Variants in IGSF9B observed in about 807,000 individuals in gnomAD.
The protein encoded by IGSF9B is protein turtle homolog B.
In IGSF9B, 48 loss-of-function variants were observed where a neutral mutation model predicts 143.7. The observed-to-expected ratio is 0.33, with a 90% CI of 0.26 to 0.42. IGSF9B has a LOEUF of 0.42. IGSF9B is among the 20% of genes least tolerant of loss of function. The pLI, the probability that IGSF9B is intolerant of heterozygous loss-of-function variation, is 1.00. For missense variants in IGSF9B, 1,706 were observed against 1,980.0 expected (o/e 0.86, Z 2.63); for synonymous variants, 903 against 833.1 (o/e 1.08, Z -1.44).
intron 16 of IGSF9B, 60 bp downstream of exon 16, chr11:133,922,509 C>T: frequency 6.5e-7 from 1 of 1,548,842 alleles, no homozygotes; most frequent in Non-Finnish European, 8.8e-7. Context: ...GTCCACCTCT[C>T]TTGATGGGGG....
intron 3 of IGSF9B, among the ~76,000 whole-genome samples, chr11:133,943,514 C>A (rs1035827050): frequency 1.3e-5 from 2 of 152,146 alleles, no homozygotes; most frequent in Non-Finnish European, 2.9e-5. Flanking sequence ...CCTAGGCCAA[C>A]TCCCAGAGCT....
chr11:133,938,660 A>G (rs1162197267), intron 3 of IGSF9B, among the ~76,000 whole-genome samples: 1 of 152,136 alleles, frequency 6.6e-6, no homozygotes, highest in Non-Finnish European at 1.5e-5. Flanking sequence ...CAATCCGGTC[A>G]ATCTTAACCC....
chr11:133,942,934 G>T (rs1250991076), intron 3 of IGSF9B, among the ~76,000 whole-genome samples: 1 of 152,162 alleles, frequency 6.6e-6, no homozygotes, highest in African/African-American at 2.4e-5. Context: ...GCCACCAGCT[G>T]TAAGGTTTCT....
chr11:133,941,939 T>C (rs1292679891), intron 3 of IGSF9B, among the ~76,000 whole-genome samples: 1 of 152,234 alleles, frequency 6.6e-6, no homozygotes, highest in Non-Finnish European at 1.5e-5. Flanking sequence ...CAAAGCCATA[T>C]GGCAGTAATC....
In IGSF9B at chr11:133,906,451, T is replaced by C. The variant is rs905705282; in HGVS notation, c.*2618A>G. The stretch of plus-strand genomic sequence containing the variant: ...GAGAGATGGGCAGACCTGACGTCCT[T>C]GCCCTAGCCAGGGAAGCCACAGCAC... On this transcript the variant is annotated 3_prime_UTR_variant, in exon 20 of 20. Transcript: ENST00000533871. Among the ~76,000 whole-genome samples, 3 of 152,174 alleles carry C rather than the reference T, an allele frequency of 2.0e-5. No individual in the cohort carries two copies. Among genetic ancestry groups the C allele is most frequent in the African/African-American group, 7.2e-5 (3 of 41,452 alleles).
Position 133,920,974 on chromosome 11 carries a change from G to A in IGSF9B, c.2751C>T (p.Ser917=). Reference sequence around the variant, plus strand: ...GTGGTGGCAGGTAGGACTCCTGGCTGGATGACAGAGGGGTGAGCTGGGACT... The same window carrying A: ...GTGGTGGCAGGTAGGACTCCTGGCTAGATGACAGAGGGGTGAGCTGGGACT... ...ALKSQLTPLS[S]SQESYLPPPA... The change falls in exon 18 of 20, where the codon TCC becomes TCT. Residue 917 remains serine (S), a synonymous_variant. Coordinates refer to ENST00000533871, the MANE Select transcript of IGSF9B (RefSeq NM_001277285.4). The A allele has an allele frequency of 6.2e-7, 1 of 1,610,538 alleles. No homozygotes were observed. Among genetic ancestry groups the A allele is most frequent in the Non-Finnish European group, 8.5e-7 (1 of 1,177,924 alleles).
At chr11:133,911,746 C>T (rs983207316) in intron 19 of IGSF9B, 140 bp downstream of exon 19, 1 of 604,564 alleles carries the variant, frequency 1.7e-6, no homozygotes, top group Non-Finnish European at 2.5e-6. Flanking sequence ...ACAAGAGAAG[C>T]TTGTGGATTC....
rs770124838 is a variant in IGSF9B at position 133,936,089 on chromosome 11, G to A, written c.785C>T (p.Thr262Ile). 1.2e-6 allele frequency: 2 copies of A among 1,613,762 alleles called. No individual in the cohort carries two copies. Among genetic ancestry groups the A allele is most frequent in the Non-Finnish European group, 1.7e-6 (2 of 1,179,792 alleles). The stretch of plus-strand genomic sequence containing the variant: ...GACGTTCTCGTCCTGCCAGTACCAG[G>A]TGTAGGTGAGGTTGCCCGGATACGC... ...AEAYPGNLTY[T>I]WYWQDENVYF... is the part of the protein sequence containing the mutation. The change falls in exon 6 of 20, where the codon ACC becomes ATC. Residue 262 changes from threonine (T) to isoleucine (I), a missense_variant. Coordinates refer to ENST00000533871, the MANE Select transcript of IGSF9B (RefSeq NM_001277285.4).
chr11:133,937,563 G>A (rs1420407478), intron 4 of IGSF9B, 70 bp from the exon 5 acceptor site: 1 of 1,267,450 alleles, frequency 7.9e-7, no homozygotes, highest in Non-Finnish European at 1.1e-6. Context: ...CAAACACGGA[G>A]ATGCAGTCGG....
Position 133,911,985 on chromosome 11 carries a change from T to A in IGSF9B, c.4006A>T (p.Asn1336Tyr). The change falls in exon 19 of 20, where the codon AAC becomes TAC. Residue 1336 changes from asparagine to tyrosine, a missense_variant. This residue lies in a region of IGSF9B where 880 missense variants were observed against 762.9 expected (regional missense o/e 1.15). Coordinates refer to ENST00000533871, the MANE Select transcript of IGSF9B (RefSeq NM_001277285.4). ...TSGTLPPAPG[N>Y]AAAPERLEAL... ...TCCAGCCTCTCAGGCGCAGCAGCGTTCCCGGGTGCAGGTGGAAGTGTTCTG... is the reference window on the plus strand; with the variant it reads ...TCCAGCCTCTCAGGCGCAGCAGCGTACCCGGGTGCAGGTGGAAGTGTTCTG... The A allele has an allele frequency of 1.3e-6, 2 of 1,532,412 alleles. No homozygotes were observed. The highest frequency in any genetic ancestry group is 1.7e-6 in the Non-Finnish European group (2 of 1,145,828). 94.9% of individuals were successfully genotyped at this position (1,532,412 alleles called of 1,614,324 possible).
intron 13 of IGSF9B, 79 bp downstream of exon 13, chr11:133,926,837 C>A: frequency 8.0e-7 from 1 of 1,253,112 alleles, no homozygotes; most frequent in Non-Finnish European, 1.1e-6. Context: ...CACAGGAGGC[C>A]GACTGCTATA....
In IGSF9B at chr11:133,926,992, C is replaced by T. The variant is rs372458520; in HGVS notation, c.1731G>A (p.Ala577=). The change falls in exon 13 of 20, where the codon GCG becomes GCA. Residue 577 remains alanine (A), a synonymous_variant. Coordinates refer to ENST00000533871, the MANE Select transcript of IGSF9B (RefSeq NM_001277285.4). ...LLVDTLEPET[A]YQFSVLAQNK... ...TCTGGGCCAGGACGCTGAACTGGTA[C>T]GCTGTCTCAGGCTCCAGGGTGTCCA... 167 of 1,587,680 alleles carry T rather than the reference C, an allele frequency of 1.1e-4. 1 individual carries two copies. Among genetic ancestry groups the T allele is most frequent in the Middle Eastern group, 3.3e-4 (2 of 5,994 alleles).
rs1455109815 is a variant in IGSF9B at position 133,901,725 on chromosome 11, C to T, written c.*7344G>A. 1 of 152,106 alleles carries T rather than the reference C, an allele frequency of 6.6e-6. No homozygotes were observed. The highest frequency in any genetic ancestry group is 2.4e-5 in the African/African-American group (1 of 41,386). The allele number at this position is 152,106 out of a possible 1,614,324, so 9.4% of individuals were successfully genotyped here. A position where few individuals can be genotyped will look rare whatever the true frequency, so the allele number is the denominator to read the frequency against. ...GAAGTTGTCTAGCAAAAGAGCCAAACAAAGGAGGGTCTCCTGGGCCTGACA... is the reference window on the plus strand; with the variant it reads ...GAAGTTGTCTAGCAAAAGAGCCAAATAAAGGAGGGTCTCCTGGGCCTGACA... On this transcript the variant is annotated 3_prime_UTR_variant, in exon 20 of 20. Transcript: ENST00000533871.
chr11:133,920,906 G>C lies in IGSF9B; in HGVS notation c.2819C>G (p.Pro940Arg), dbSNP rs1210867466. The C allele has an allele frequency of 6.2e-7, 1 of 1,609,024 alleles. No individual in the cohort carries two copies. The highest frequency in any genetic ancestry group is 8.5e-7 in the Non-Finnish European group (1 of 1,178,010). ...CTGAAGCCGACCTTCCAGGCCACCG[G>C]GGCCCTCCAGCCCGCGGGGCTGGAA... Reference protein sequence around the residue: ...PRFQPRGLEGPGGLEGRLQAT... With the variant: ...PRFQPRGLEGRGGLEGRLQAT... The change falls in exon 18 of 20, where the codon CCC (proline) becomes CGC (arginine). Residue 940 changes from proline (P) to arginine (R), a missense_variant. Coordinates refer to ENST00000533871, the MANE Select transcript of IGSF9B (RefSeq NM_001277285.4).
intron 16 of IGSF9B, 87 bp downstream of exon 16, chr11:133,922,482 G>T: frequency 7.6e-7 from 1 of 1,310,426 alleles, no homozygotes; most frequent in African/African-American, 1.4e-5. Context: ...TTTCCAAGGG[G>T]GGCCATGCTA....
chr11:133,944,277 G>A lies in IGSF9B; in HGVS notation c.352C>T (p.Leu118=). ...QGWYECKVLM[L]DQQYDTFHNG... ...TGGAAGGTGTCATACTGCTGGTCCAGCATGAGCACTTTGCACTCATACCAG... is the reference window on the plus strand; with the variant it reads ...TGGAAGGTGTCATACTGCTGGTCCAACATGAGCACTTTGCACTCATACCAG... Residue 118 remains leucine (L), a synonymous_variant, in exon 3 of 20, where the codon CTG becomes TTG. Transcript: ENST00000533871. 6.2e-7 allele frequency: 1 copy of A among 1,613,826 alleles called. No individual in the cohort carries two copies. The highest frequency in any genetic ancestry group is 8.5e-7 in the Non-Finnish European group (1 of 1,179,802).
chr11:133,919,238 C>G, intron 18 of IGSF9B: 3 of 355,010 alleles, frequency 8.5e-6, no homozygotes, highest in South Asian at 6.3e-5. Flanking sequence ...TGCTAAGGGC[C>G]AGGAGTTCGG....
intron 1 of IGSF9B, among the ~76,000 whole-genome samples, chr11:133,954,910 T>C (rs1222928109): frequency 1.3e-5 from 2 of 152,220 alleles, no homozygotes; most frequent in African/African-American, 4.8e-5. Context: ...GCCTTCAATT[T>C]TGGGAAGCCC....
chr11:133,920,867 G>T lies in IGSF9B; in HGVS notation c.2858C>A (p.Ala953Asp). The T allele has an allele frequency of 2.5e-6, 4 of 1,605,000 alleles. No homozygotes were observed. The highest frequency in any genetic ancestry group is 3.4e-6 in the Non-Finnish European group (4 of 1,175,570). Residue 953 changes from alanine to aspartate, a missense_variant, in exon 18 of 20, where the codon GCC becomes GAC. Ala to Asp is a moderately radical substitution (Grantham distance 126, BLOSUM62 -2). Coordinates refer to ENST00000533871, the MANE Select transcript of IGSF9B (RefSeq NM_001277285.4). ...LEGRLQATGQARPPAPRPFHH... is the reference protein window; with the variant it reads ...LEGRLQATGQDRPPAPRPFHH... Reference sequence around the variant, plus strand: ...GAAGGGCCGGGGGGCAGGGGGCCGGGCCTGGCCTGTGGCCTGAAGCCGACC... The same window carrying T: ...GAAGGGCCGGGGGGCAGGGGGCCGGTCCTGGCCTGTGGCCTGAAGCCGACC...
Sources: allele counts gnomAD v4.1 joint callset (sites outside exome capture counted in the v4.1 genomes callset), GRCh38; gene constraint gnomAD v4.1.1; regional missense constraint gnomAD v4.1.1; transcripts MANE v1.5; gene names NCBI Gene and HGNC (gene_info 2026-07-23, HGNC 2026-07-21).